The following NKD1 variants were observed in gnomAD, a reference collection of about 807,000 sequenced individuals.
NKD1 encodes the protein protein naked cuticle homolog 1.
In NKD1, 21 loss-of-function variants were observed where a neutral mutation model predicts 56.0. That is an observed-to-expected ratio of 0.38 (90% CI 0.27 to 0.54). The LOEUF is 0.54. Among genes scored for constraint, NKD1 ranks in the 20% least tolerant of loss-of-function variants. The pLI is 0.82. For missense variants in NKD1, 578 were observed against 642.7 expected (o/e 0.90, Z 1.09); for synonymous variants, 263 against 265.7 (o/e 0.99, Z 0.10).
Position 50,562,301 on chromosome 16 carries a change from T to A in NKD1, c.192+12746T>A, listed in dbSNP as rs1960651266. 3 of 978,018 alleles carry A rather than the reference T, an allele frequency of 3.1e-6. No homozygotes were observed. In the Admixed American group the frequency reaches 1.8e-4, roughly 60 times the overall value. The allele number at this position is 978,018 out of a possible 1,614,324, so 60.6% of individuals were successfully genotyped here. The stretch of plus-strand genomic sequence containing the variant: ...GTGTGAAAAAGTCTATTCAGGCCTG[T>A]GTCACTGTGTATCTGCAGGTGCATA... On this transcript the variant is annotated intron_variant, in intron 3 of 9. Transcript: ENST00000268459.
rs1330982267 is a variant in NKD1 at position 50,636,273 on chromosome 16, A to G, written c.*2492A>G. The G allele has an allele frequency of 6.6e-6, 1 of 152,194 alleles. No homozygotes were observed. Among genetic ancestry groups the G allele is most frequent in the Admixed American group, 6.5e-5 (1 of 15,276 alleles). 9.4% of individuals were successfully genotyped at this position (152,194 alleles called of 1,614,324 possible). ...GCTGCAACCCTGGAGGCCAGCCCGG[A>G]GTTGAGACTACTGGTTTTAGAGCAG... On this transcript the variant is annotated 3_prime_UTR_variant, in exon 10 of 10. Transcript: ENST00000268459.
At chr16:50,580,842 C>G (rs1961101760) in intron 3 of NKD1, among the ~76,000 whole-genome samples, 1 of 152,226 alleles carries the variant, frequency 6.6e-6, no homozygotes, top group African/African-American at 2.4e-5. Context: ...GCAGTGCCCA[C>G]CAACCCTGTT....
rs909634239 is a variant in NKD1 at position 50,641,459 on chromosome 16, A to G, written c.*7678A>G. On this transcript the variant is annotated 3_prime_UTR_variant, in exon 10 of 10. Coordinates refer to ENST00000268459, the MANE Select transcript of NKD1 (RefSeq NM_033119.5). ...TCAAGGGTTTCAAAAATTTTTAATT[A>G]ATTTCCAAAATCTGAGGGTTTCACC... 3 of 152,178 alleles carry G rather than the reference A, an allele frequency of 2.0e-5. No individual in the cohort carries two copies. Among genetic ancestry groups the G allele is most frequent in the Non-Finnish European group, 4.4e-5 (3 of 68,032 alleles). 9.4% of individuals were successfully genotyped at this position (152,178 alleles called of 1,614,324 possible). A position where few individuals can be genotyped will look rare whatever the true frequency, so the allele number is the denominator to read the frequency against.
At chr16:50,552,203 A>T (rs2151261402) in intron 3 of NKD1, 1 of 152,360 alleles carries the variant, frequency 6.6e-6, no homozygotes, top group South Asian at 2.1e-4. Context: ...ACTAGTATTT[A>T]TTAAGTGCCT....
At position 50,648,565 on chromosome 16, in the gene NKD1, T is replaced by G. The variant is rs1432443207; in HGVS notation, c.*14784T>G. ...TTGTGATACTGACACATCCCCCCTT[T>G]CAGAACACCCTCTGCCCTTGGATTC... is the stretch of plus-strand genomic sequence containing the variant. On this transcript the variant is annotated 3_prime_UTR_variant, in exon 10 of 10. Transcript: ENST00000268459. 1 of 152,194 alleles carries G rather than the reference T, an allele frequency of 6.6e-6. No homozygotes were observed. Among genetic ancestry groups the G allele is most frequent in the Non-Finnish European group, 1.5e-5 (1 of 68,042 alleles). 9.4% of individuals were successfully genotyped at this position (152,194 alleles called of 1,614,324 possible).
In NKD1 at chr16:50,633,926, A is replaced by T. The variant is rs1962412647; in HGVS notation, c.*145A>T. On this transcript the variant is annotated 3_prime_UTR_variant, in exon 10 of 10. Coordinates refer to ENST00000268459, the MANE Select transcript of NKD1 (RefSeq NM_033119.5). The surrounding 1 kb of genome is among the most constrained non-coding windows in gnomAD (Gnocchi z 4.9). ...CTCCACTAATATTTAGCTAGCCTAC[A>T]TGTAGAAGATCTATGGAAACACAGA... 1.9e-6 allele frequency: 1 copy of T among 525,176 alleles called. No individual in the cohort carries two copies. 32.5% of individuals were successfully genotyped at this position (525,176 alleles called of 1,614,324 possible). A position where few individuals can be genotyped will look rare whatever the true frequency, so the allele number is the denominator to read the frequency against.
chr16:50,621,548 C>A, intron 4 of NKD1, 54 bp from the exon 5 acceptor site: 1 of 1,323,196 alleles, frequency 7.6e-7, no homozygotes, highest in Non-Finnish European at 1.1e-6. Flanking sequence ...GTGAGCATGG[C>A]TGCCCGGCGT....
At position 50,646,200 on chromosome 16, in the gene NKD1, C is replaced by T. The variant is rs1962675416; in HGVS notation, c.*12419C>T. 6.6e-6 allele frequency: 1 copy of T among 152,136 alleles called. No homozygotes were observed. The highest frequency in any genetic ancestry group is 2.4e-5 in the African/African-American group (1 of 41,414). 9.4% of individuals were successfully genotyped at this position (152,136 alleles called of 1,614,324 possible). ...GAAAGGCAAATCCAATGATAATGTA[C>T]ATCTGTTTCAGGGAATTTATAAGCT... On this transcript the variant is annotated 3_prime_UTR_variant, in exon 10 of 10. Transcript: ENST00000268459.
rs1000092462 is a variant in NKD1 at position 50,647,583 on chromosome 16, C to A, written c.*13802C>A. ...AGGGAAGTTCCACTCCAGGAGCCCACGTGGAACATACCTCAGAGTTATCCC... is the reference window on the plus strand; with the variant it reads ...AGGGAAGTTCCACTCCAGGAGCCCAAGTGGAACATACCTCAGAGTTATCCC... On this transcript the variant is annotated 3_prime_UTR_variant, in exon 10 of 10. Transcript: ENST00000268459. 6.6e-6 allele frequency: 1 copy of A among 152,140 alleles called. No homozygotes were observed. The highest frequency in any genetic ancestry group is 2.4e-5 in the African/African-American group (1 of 41,424). 9.4% of individuals were successfully genotyped at this position (152,140 alleles called of 1,614,324 possible).
rs997212276 is a variant in NKD1 at position 50,646,434 on chromosome 16, G to A, written c.*12653G>A. The A allele has an allele frequency of 6.6e-6, 1 of 152,184 alleles. No homozygotes were observed. Among genetic ancestry groups the A allele is most frequent in the African/African-American group, 2.4e-5 (1 of 41,428 alleles). 9.4% of individuals were successfully genotyped at this position (152,184 alleles called of 1,614,324 possible). A position where few individuals can be genotyped will look rare whatever the true frequency, so the allele number is the denominator to read the frequency against. Reference sequence around the variant, plus strand: ...AGTCTTTTATGTACATGGCAAAAACGGGACAGAAATTGATTTTTATGAAAG... The same window carrying A: ...AGTCTTTTATGTACATGGCAAAAACAGGACAGAAATTGATTTTTATGAAAG... On this transcript the variant is annotated 3_prime_UTR_variant, in exon 10 of 10. Transcript: ENST00000268459.
rs139745156 is a variant in NKD1 at position 50,632,740 on chromosome 16, G to A, written c.823+332G>A. 1.1e-4 allele frequency among the ~76,000 whole-genome samples: 17 copies of A among 151,248 alleles called. No homozygotes were observed. Among genetic ancestry groups the A allele is most frequent in the African/African-American group, 2.4e-4 (10 of 41,284 alleles). ...GGCTGTTTCTTCCAGCAAGAACCTC[G>A]GTTTCCCTAAGTACAGCACTACTGT... On this transcript the variant is annotated intron_variant, in intron 9 of 9. Coordinates refer to ENST00000268459, the MANE Select transcript of NKD1 (RefSeq NM_033119.5). The surrounding 1 kb of genome is among the most constrained non-coding windows in gnomAD (Gnocchi z 4.1).
rs1484618631 is a variant in NKD1 at position 50,571,053 on chromosome 16, C to T, written c.192+21498C>T. The T allele has an allele frequency of 5.7e-5, 54 of 953,358 alleles. 1 individual carries two copies. The South Asian group carries it at 2.4e-3, about 43-fold the overall frequency. 59.1% of individuals were successfully genotyped at this position (953,358 alleles called of 1,614,324 possible). A position where few individuals can be genotyped will look rare whatever the true frequency, so the allele number is the denominator to read the frequency against. On this transcript the variant is annotated intron_variant, in intron 3 of 9. Transcript: ENST00000268459. ...CAGGGCCAGGCTGTGCTGGACATCTCCTCCCTGGGGCTGCCTTTGAAGGGA... is the reference window on the plus strand; with the variant it reads ...CAGGGCCAGGCTGTGCTGGACATCTTCTCCCTGGGGCTGCCTTTGAAGGGA...
At chr16:50,575,453 G>A (rs1960973782) in intron 3 of NKD1, 2 of 617,168 alleles carry the variant, frequency 3.2e-6, no homozygotes, top group East Asian at 2.8e-4. Flanking sequence ...GGGATTTGAA[G>A]AGCCCCTTTG....
At chr16:50,603,572 AC>A (rs1961644787) in intron 3 of NKD1, among the ~76,000 whole-genome samples, 1 of 152,072 alleles carries the variant, frequency 6.6e-6, no homozygotes, top group Non-Finnish European at 1.5e-5. Context: ...TTGCTTTGAA[AC>A]CCGTGGCACC....
At chr16:50,562,794 C>T (rs143114052) in intron 3 of NKD1, among the ~76,000 whole-genome samples, 26 of 152,158 alleles carry the variant, frequency 1.7e-4, no homozygotes, top group Non-Finnish European at 3.5e-4. Context: ...TGTAGTGTAG[C>T]GGGACCTAAT....
At chr16:50,613,888 G>A (rs925476954) in intron 4 of NKD1, among the ~76,000 whole-genome samples, 3 of 152,100 alleles carry the variant, frequency 2.0e-5, no homozygotes, top group Non-Finnish European at 4.4e-5. Flanking sequence ...TGTCAAAGCC[G>A]AGTGGCCACC....
chr16:50,611,245 C>G (rs1025944140), intron 4 of NKD1, among the ~76,000 whole-genome samples: 3 of 152,202 alleles, frequency 2.0e-5, no homozygotes, highest in Admixed American at 6.5e-5. Context: ...GAACGCTGCC[C>G]CCGCCCAGCT....
chr16:50,565,299 GA>G (rs1424927706), intron 3 of NKD1, among the ~76,000 whole-genome samples: 4 of 151,974 alleles, frequency 2.6e-5, no homozygotes, highest in Non-Finnish European at 1.5e-5. Flanking sequence ...GTGAACACGG[GA>G]GGCAGAGCTT....
Position 50,643,391 on chromosome 16 carries a change from T to C in NKD1, c.*9610T>C, listed in dbSNP as rs559029812. On this transcript the variant is annotated 3_prime_UTR_variant, in exon 10 of 10. Coordinates refer to ENST00000268459, the MANE Select transcript of NKD1 (RefSeq NM_033119.5). Reference sequence around the variant, plus strand: ...CTCCCTTTCCAGGAGCCTGCTGGCATTGATACAGGTTGACAAAGACCAGTC... The same window carrying C: ...CTCCCTTTCCAGGAGCCTGCTGGCACTGATACAGGTTGACAAAGACCAGTC... The C allele has an allele frequency of 6.6e-6, 1 of 152,356 alleles. No homozygotes were observed. Among genetic ancestry groups the C allele is most frequent in the East Asian group, 1.9e-4 (1 of 5,178 alleles). 9.4% of individuals were successfully genotyped at this position (152,356 alleles called of 1,614,324 possible). A position where few individuals can be genotyped will look rare whatever the true frequency, so the allele number is the denominator to read the frequency against.
Sources: allele counts gnomAD v4.1 joint callset (sites outside exome capture counted in the v4.1 genomes callset), GRCh38; gene constraint gnomAD v4.1.1; non-coding constraint Gnocchi (gnomAD v3.1); transcripts MANE v1.5; gene names NCBI Gene and HGNC (gene_info 2026-07-23, HGNC 2026-07-21).